The following CDH5 variants were observed in gnomAD, a reference collection of about 807,000 sequenced individuals.
The protein encoded by CDH5 is cadherin-5.
A neutral mutation model predicts 62.0 loss-of-function variants in CDH5; 28 were observed. The ratio of observed to expected loss-of-function variants is 0.45; its 90% CI spans 0.33 to 0.62. The LOEUF is 0.62. Ranked by LOEUF, CDH5 falls within the 20% of genes least tolerant of loss-of-function variation. The pLI, the probability that CDH5 is intolerant of heterozygous loss-of-function variation, is 0.02. For missense variants in CDH5, 940 were observed against 1,065.1 expected, an observed-to-expected ratio of 0.88 and a Z score of 1.63; for synonymous variants, 464 against 445.8, an observed-to-expected ratio of 1.04 and a Z score of -0.52.
intron 1 of CDH5, among the ~76,000 whole-genome samples, chr16:66,373,083 T>C (rs1391967681): frequency 6.6e-6 from 1 of 152,188 alleles, no homozygotes; most frequent in Non-Finnish European, 1.5e-5. Flanking sequence ...GCTGCTCAGC[T>C]GGGAATTTCT....
At chr16:66,390,694 CA>C in intron 6 of CDH5, 104 bp downstream of exon 6, 1 of 1,053,538 alleles carries the variant, frequency 9.5e-7, no homozygotes, top group South Asian at 1.5e-5. Context: ...ATCAAAGGAC[CA>C]TCAAAGCTCC....
At chr16:66,371,356 C>A (rs1162198197) in intron 1 of CDH5, among the ~76,000 whole-genome samples, 1 of 152,154 alleles carries the variant, frequency 6.6e-6, no homozygotes, top group East Asian at 1.9e-4. Context: ...ACACCTCCTG[C>A]ATGTTCTAGG....
In CDH5 at chr16:66,387,066, C is replaced by T. The variant is rs1331632650; in HGVS notation, c.468C>T (p.Phe156=). The change falls in exon 3 of 12, where the codon TTC becomes TTT. Residue 156 remains phenylalanine, a synonymous_variant. Coordinates refer to ENST00000341529, the MANE Select transcript of CDH5 (RefSeq NM_001795.5). ...DNWPVFTHRL[F]NASVPESSAV... ...GGCCTGTGTTCACGCATCGGTTGTT[C>T]AATGCGTCCGTGCCTGAGTCGTCGG... is the stretch of plus-strand genomic sequence containing the variant. 6.2e-7 allele frequency: 1 copy of T among 1,613,950 alleles called. No individual in the cohort carries two copies. The highest frequency in any genetic ancestry group is 1.7e-5 in the Admixed American group (1 of 60,014).
At chr16:66,386,435 C>T (rs1395712122) in intron 2 of CDH5, among the ~76,000 whole-genome samples, 3 of 152,140 alleles carry the variant, frequency 2.0e-5, no homozygotes, top group African/African-American at 7.2e-5. Flanking sequence ...ATCCCAACCT[C>T]CCCTCTTTTG....
At position 66,402,967 on chromosome 16, in the gene CDH5, A is replaced by G. The variant is rs1236769907; in HGVS notation, c.2153A>G (p.His718Arg). Residue 718 changes from histidine to arginine, a missense_variant, in exon 12 of 12, where the codon CAC becomes CGC. Transcript: ENST00000341529. Reference protein sequence around the residue: ...MIEVKKDEADHDGDGPPYDTL... With the variant: ...MIEVKKDEADRDGDGPPYDTL... ...GAGGTGAAGAAGGACGAGGCGGACCACGACGGCGACGGCCCCCCCTACGAC... is the reference window on the plus strand; with the variant it reads ...GAGGTGAAGAAGGACGAGGCGGACCGCGACGGCGACGGCCCCCCCTACGAC... The G allele has an allele frequency of 6.2e-7, 1 of 1,612,908 alleles. No individual in the cohort carries two copies. Among genetic ancestry groups the G allele is most frequent in the Non-Finnish European group, 8.5e-7 (1 of 1,179,938 alleles).
intron 11 of CDH5, 68 bp downstream of exon 11, chr16:66,401,084 G>A: frequency 6.2e-7 from 1 of 1,603,068 alleles, no homozygotes; most frequent in Non-Finnish European, 8.5e-7. Context: ...TGGGAGGCGG[G>A]GAGGCTTCAC....
At chr16:66,394,564 ATT>A (rs10718129) in intron 7 of CDH5, among the ~76,000 whole-genome samples, 8 of 148,056 alleles carry the variant, frequency 5.4e-5, no homozygotes, top group African/African-American at 1.5e-4. Context: ...ATGTTTCTTT[ATT>A]TTTTTTTTCT....
intron 1 of CDH5, among the ~76,000 whole-genome samples, chr16:66,374,677 G>GTA (rs988472256): frequency 3.1e-4 from 47 of 151,350 alleles, no homozygotes; most frequent in African/African-American, 1.1e-3. Flanking sequence ...TCTGGTGTAG[G>GTA]TACAGCCGTG....
In CDH5 at chr16:66,390,399, T is replaced by A. The variant is rs201289533; in HGVS notation, c.782-4T>A. The A allele has an allele frequency of 6.2e-7, 1 of 1,607,424 alleles. No individual in the cohort carries two copies. Among genetic ancestry groups the A allele is most frequent in the African/African-American group, 1.3e-5 (1 of 74,892 alleles). ...AGCCCTTTGGGGTGCTCTGTTTGCA[T>A]CAGCCAAGTACACATTTGTCGTGCC... On this transcript the variant is annotated splice_region_variant and splice_polypyrimidine_tract_variant and intron_variant, in intron 5 of 11. Transcript: ENST00000341529.
Position 66,402,732 on chromosome 16 carries a change from G to C in CDH5, c.1918G>C (p.Glu640Gln), listed in dbSNP as rs777441392. The change falls in exon 12 of 12, where the codon GAG becomes CAG. Residue 640 changes from glutamate to glutamine, a missense_variant. Physicochemically the swap from Glu to Gln is conservative, Grantham distance 29. Coordinates refer to ENST00000341529, the MANE Select transcript of CDH5 (RefSeq NM_001795.5). ...AHGKSVPEIHEQLVTYDEEGG... is the reference protein window; with the variant it reads ...AHGKSVPEIHQQLVTYDEEGG... ...CGGCAAGAGCGTGCCGGAGATCCAC[G>C]AGCAGCTGGTCACCTACGACGAGGA... 4.9e-5 allele frequency: 79 copies of C among 1,609,726 alleles called. No individual in the cohort carries two copies. The highest frequency in any genetic ancestry group is 6.4e-5 in the Non-Finnish European group (75 of 1,179,054).
At chr16:66,394,213 G>A (rs916499157) in intron 7 of CDH5, among the ~76,000 whole-genome samples, 2 of 152,180 alleles carry the variant, frequency 1.3e-5, no homozygotes, top group African/African-American at 4.8e-5. Flanking sequence ...TCATCCAAAT[G>A]TAATTAGCCA....
In CDH5 at chr16:66,402,911, C is replaced by T. The variant is rs1405448838; in HGVS notation, c.2097C>T (p.His699=). 1.9e-6 allele frequency: 3 copies of T among 1,611,632 alleles called. No individual in the cohort carries two copies. Among genetic ancestry groups the T allele is most frequent in the African/African-American group, 2.7e-5 (2 of 74,990 alleles). The change falls in exon 12 of 12, where the codon CAC becomes CAT. Residue 699 remains histidine (H), a synonymous_variant. Coordinates refer to ENST00000341529, the MANE Select transcript of CDH5 (RefSeq NM_001795.5). ...CACCGAGGCACGCGCCTGGGGCACACGGAGGGCCCGGGGAGATGGCAGCCA... is the reference window on the plus strand; with the variant it reads ...CACCGAGGCACGCGCCTGGGGCACATGGAGGGCCCGGGGAGATGGCAGCCA... ...QKPPRHAPGA[H]GGPGEMAAMI...
intron 5 of CDH5, 128 bp from the exon 6 acceptor site, chr16:66,390,275 T>G: frequency 1.5e-6 from 1 of 673,286 alleles, no homozygotes; most frequent in Non-Finnish European, 2.4e-6. Flanking sequence ...ATCCCAGGGG[T>G]ATTATTATTT....
intron 10 of CDH5, among the ~76,000 whole-genome samples, chr16:66,399,805 T>A (rs1040995916): frequency 1.3e-5 from 2 of 152,244 alleles, no homozygotes; most frequent in African/African-American, 4.8e-5. Flanking sequence ...TGTCAAAATC[T>A]CTAGTTTCTC....
intron 7 of CDH5, among the ~76,000 whole-genome samples, chr16:66,393,490 C>G (rs1024492908): frequency 6.6e-6 from 1 of 152,194 alleles, no homozygotes; most frequent in Non-Finnish European, 1.5e-5. Flanking sequence ...TTGTTACACA[C>G]TTTTCAACAA....
At chr16:66,401,540 T>C (rs1454505432) in intron 11 of CDH5, among the ~76,000 whole-genome samples, 1 of 152,182 alleles carries the variant, frequency 6.6e-6, no homozygotes, top group Non-Finnish European at 1.5e-5. Flanking sequence ...TTAGGAGCAT[T>C]GTAGGCCTTA....
chr16:66,379,879 T>C (rs1459088082), intron 2 of CDH5, among the ~76,000 whole-genome samples: 1 of 135,262 alleles, frequency 7.4e-6, no homozygotes, highest in Non-Finnish European at 1.6e-5. Context: ...TGGTGGTGGC[T>C]GTGATGGTGG....
At chr16:66,379,190 T>C in intron 1 of CDH5, 129 bp from the exon 2 acceptor site, 4 of 709,124 alleles carry the variant, frequency 5.6e-6, no homozygotes, top group Non-Finnish European at 9.8e-6. Context: ...ATAATGTTAA[T>C]TACCCGCAGA....
Position 66,402,839 on chromosome 16 carries a change from G to A in CDH5, c.2025G>A (p.Arg675=), listed in dbSNP as rs1371808440. 6.3e-7 allele frequency: 1 copy of A among 1,599,564 alleles called. No homozygotes were observed. Residue 675 remains arginine, a synonymous_variant, in exon 12 of 12, where the codon CGG becomes CGA. Transcript: ENST00000341529. The part of the protein sequence containing the change: ...SVRRGGAKPP[R]PALDARPSLY... ...GCCGCGGCGGGGCCAAGCCCCCGCGGCCCGCGCTGGACGCCCGGCCTTCCC... is the reference window on the plus strand; with the variant it reads ...GCCGCGGCGGGGCCAAGCCCCCGCGACCCGCGCTGGACGCCCGGCCTTCCC...
Sources: allele counts gnomAD v4.1 joint callset (sites outside exome capture counted in the v4.1 genomes callset), GRCh38; gene constraint gnomAD v4.1.1; transcripts MANE v1.5; gene names NCBI Gene and HGNC (gene_info 2026-07-23, HGNC 2026-07-21).